ZNF254: variants seen among roughly 807,000 people sequenced by gnomAD.
ZNF254 encodes the protein CTD-2017D11.1.
Under a neutral mutation model 12.4 loss-of-function variants are expected in ZNF254, and 10 were observed. The ratio of observed to expected loss-of-function variants is 0.80; its 90% CI spans 0.50 to 1.36. ZNF254 has a LOEUF of 1.36. Ranked by LOEUF, ZNF254 falls within the 40% of genes most tolerant of loss-of-function variation. ZNF254 has a pLI of 0.00. For missense variants in ZNF254, 996 were observed against 763.9 expected, an observed-to-expected ratio of 1.30 and a Z score of -3.58; for synonymous variants, 305 against 253.4, an observed-to-expected ratio of 1.20 and a Z score of -1.93.
At chr19:24,109,143 G>C (rs1973511443) in intron 3 of ZNF254, among the ~76,000 whole-genome samples, 1 of 152,168 alleles carries the variant, frequency 6.6e-6, no homozygotes, top group African/African-American at 2.4e-5. Context: ...GATTACAGTA[G>C]TTTTATTTTG....
intron 2 of ZNF254, among the ~76,000 whole-genome samples, chr19:24,082,043 A>C (rs1971861785): frequency 6.6e-6 from 1 of 152,036 alleles, no homozygotes; most frequent in Admixed American, 6.6e-5. Flanking sequence ...GAATCACTTG[A>C]ACCTTGGAGG....
chr19:24,056,359 C>T (rs56828606), intron 2 of ZNF254, among the ~76,000 whole-genome samples: 22,585 of 152,180 alleles, frequency 0.15, 1,939 homozygotes, highest in Middle Eastern at 0.23. Context: ...TGACTCTCTT[C>T]TCCTGCCTGG....
intron 1 of ZNF254, among the ~76,000 whole-genome samples, chr19:24,037,845 G>A (rs2145174068): frequency 6.6e-6 from 1 of 152,294 alleles, no homozygotes; most frequent in Non-Finnish European, 1.5e-5. Flanking sequence ...CCGACCTCAG[G>A]TGATCCACCT....
chr19:24,048,750 T>C (rs184301318), intron 2 of ZNF254, among the ~76,000 whole-genome samples: 4 of 152,170 alleles, frequency 2.6e-5, no homozygotes, highest in Admixed American at 2.6e-4. Flanking sequence ...GCAGTTGCTG[T>C]TGTTTTAGAT....
intron 2 of ZNF254, among the ~76,000 whole-genome samples, chr19:24,059,160 C>G (rs1970975951): frequency 6.6e-6 from 1 of 152,204 alleles, no homozygotes; most frequent in African/African-American, 2.4e-5. Context: ...TGTGTGTCTC[C>G]AGCCTGGATC....
upstream of ZNF254, among the ~76,000 whole-genome samples, chr19:24,082,657 C>CAA (rs745392053): frequency 1.2e-4 from 15 of 120,326 alleles, no homozygotes; most frequent in East Asian, 5.0e-4. Context: ...CTCAAAAAAA[C>CAA]AAAAAAAAAA....
chr19:24,046,571 C>T (rs1410171442), intron 2 of ZNF254, among the ~76,000 whole-genome samples: 1 of 151,782 alleles, frequency 6.6e-6, no homozygotes. Flanking sequence ...GCCATACACA[C>T]AATTCAAAAT....
chr19:24,070,673 A>T (rs1406374312), intron 2 of ZNF254, among the ~76,000 whole-genome samples: 1 of 152,188 alleles, frequency 6.6e-6, no homozygotes, highest in Non-Finnish European at 1.5e-5. Context: ...GTTATTCCTG[A>T]GCCTTTCTGC....
At chr19:24,126,127 A>T (rs1412876525) in intron 3 of ZNF254, 127 bp from the exon 4 acceptor site, 2 of 544,226 alleles carry the variant, frequency 3.7e-6, no homozygotes, top group East Asian at 6.7e-5. Context: ...AAAGAATTAG[A>T]GCCTGTGGTA....
chr19:24,050,563 T>C (rs11879782), intron 2 of ZNF254, among the ~76,000 whole-genome samples: 143 of 152,214 alleles, frequency 9.4e-4, no homozygotes, highest in African/African-American at 3.2e-3. Flanking sequence ...GGCCTTGCCC[T>C]TAGAAGAGAG....
chr19:24,049,682 T>C (rs1970572467), intron 2 of ZNF254: 1 of 152,134 alleles, frequency 6.6e-6, no homozygotes, highest in South Asian at 2.1e-4. Flanking sequence ...GTCATATCGC[T>C]GGGCCCCACA....
intron 3 of ZNF254, among the ~76,000 whole-genome samples, chr19:24,125,775 C>T (rs554968736): frequency 1.3e-4 from 20 of 152,326 alleles, no homozygotes; most frequent in African/African-American, 4.3e-4. Flanking sequence ...GACTCAAACT[C>T]TCATTCCAAA....
intron 1 of ZNF254, among the ~76,000 whole-genome samples, chr19:24,102,831 A>G (rs908531256): frequency 6.6e-6 from 1 of 152,230 alleles, no homozygotes; most frequent in East Asian, 1.9e-4. Flanking sequence ...TCTACATTTC[A>G]TTAAACTCTA....
At chr19:24,075,598 T>A (rs1404642819) in intron 2 of ZNF254, among the ~76,000 whole-genome samples, 1 of 151,864 alleles carries the variant, frequency 6.6e-6, no homozygotes, top group East Asian at 1.9e-4. Flanking sequence ...ACAAGGCAAA[T>A]GGGGGCAGAG....
At chr19:24,064,349 C>A (rs1180033924) in intron 2 of ZNF254, among the ~76,000 whole-genome samples, 1 of 152,112 alleles carries the variant, frequency 6.6e-6, no homozygotes, top group Non-Finnish European at 1.5e-5. Flanking sequence ...TACCTAGGCC[C>A]ACCCCTCAGG....
intron 3 of ZNF254, among the ~76,000 whole-genome samples, chr19:24,109,600 C>G (rs1425771998): frequency 6.6e-6 from 1 of 152,106 alleles, no homozygotes; most frequent in African/African-American, 2.4e-5. Context: ...CTGTCATAGT[C>G]AGATTATCTA....
At chr19:24,115,725 T>G (rs561588564) in intron 3 of ZNF254, among the ~76,000 whole-genome samples, 1 of 152,254 alleles carries the variant, frequency 6.6e-6, no homozygotes, top group South Asian at 2.1e-4. Context: ...TGTGTGAATT[T>G]GATCCTGTCG....
chr19:24,086,405 A>G (rs1181500189), upstream of ZNF254, among the ~76,000 whole-genome samples: 1 of 151,994 alleles, frequency 6.6e-6, no homozygotes, highest in Non-Finnish European at 1.5e-5. Flanking sequence ...CCCCGGGTTC[A>G]AGGAATTCTG....
At chr19:24,051,262 AT>A (rs1454822096) in intron 2 of ZNF254, among the ~76,000 whole-genome samples, 5 of 152,118 alleles carry the variant, frequency 3.3e-5, no homozygotes, top group African/African-American at 1.2e-4. Context: ...GGTTCAAGTG[AT>A]TCACCTGCCT....
Sources: gnomAD v4.1 joint callset for allele counts (sites outside exome capture counted in the v4.1 genomes callset) on GRCh38, gnomAD v4.1.1 for gene constraint, MANE v1.5 for transcripts, NCBI Gene and HGNC (gene_info 2026-07-23, HGNC 2026-07-21) for gene names.